MALRD1: variants seen among roughly 807,000 people sequenced by gnomAD.
MALRD1 encodes the protein MAM and LDL-receptor class A domain-containing protein 1.
MALRD1 carries 247 observed loss-of-function variants against 242.1 expected under a neutral mutation model. The ratio of observed to expected loss-of-function variants is 1.02; its 90% CI spans 0.92 to 1.13. The LOEUF (loss-of-function observed/expected upper bound fraction) is 1.13. MALRD1 is among the 50% of genes most tolerant of loss of function. The pLI is 0.00. For missense variants in MALRD1, 2,989 were observed against 2,533.1 expected, an observed-to-expected ratio of 1.18 and a Z score of -3.86; for synonymous variants, 995 against 866.6, an observed-to-expected ratio of 1.15 and a Z score of -2.60.
chr10:19,584,712 G>A (rs1189634406), intron 33 of MALRD1, among the ~76,000 whole-genome samples: 4 of 152,006 alleles, frequency 2.6e-5, no homozygotes, highest in Non-Finnish European at 5.9e-5. Context: ...TTGATTTGGG[G>A]TGGAGAGTTC....
chr10:19,720,571 T>C (rs1216670433), intron 38 of MALRD1, among the ~76,000 whole-genome samples: 1 of 152,210 alleles, frequency 6.6e-6, no homozygotes, highest in Non-Finnish European at 1.5e-5. Context: ...CTCTAATAAA[T>C]ATACATACTC....
chr10:19,138,193 G>T (rs1177720613), intron 10 of MALRD1, among the ~76,000 whole-genome samples: 1 of 152,082 alleles, frequency 6.6e-6, no homozygotes, highest in Non-Finnish European at 1.5e-5. Context: ...GCTAACCAGT[G>T]TGAGCTCAAC....
chr10:19,386,634 A>G (rs529974221), intron 26 of MALRD1, among the ~76,000 whole-genome samples: 60 of 152,204 alleles, frequency 3.9e-4, no homozygotes, highest in African/African-American at 1.3e-3. Context: ...TATTTGACTA[A>G]TATTTACTAA....
chr10:19,059,627 A>G (rs1244031193), intron 1 of MALRD1, among the ~76,000 whole-genome samples: 1 of 151,854 alleles, frequency 6.6e-6, no homozygotes. Flanking sequence ...CCTGACCTCA[A>G]GTGATCCGCC....
chr10:19,096,801 C>T (rs1249665656), intron 4 of MALRD1, among the ~76,000 whole-genome samples: 1 of 152,156 alleles, frequency 6.6e-6, no homozygotes, highest in Admixed American at 6.5e-5. Context: ...TGCATCCTTC[C>T]TTTAAAAATG....
At chr10:19,453,876 GAA>G (rs11399924) in intron 29 of MALRD1, among the ~76,000 whole-genome samples, 1 of 144,472 alleles carries the variant, frequency 6.9e-6, no homozygotes. Flanking sequence ...GACTCCGTCT[GAA>G]AAAAAAAAAA....
At chr10:19,490,617 ACT>A (rs1367809124) in intron 29 of MALRD1, among the ~76,000 whole-genome samples, 1 of 151,946 alleles carries the variant, frequency 6.6e-6, no homozygotes. Flanking sequence ...AGGTAGCAGG[ACT>A]CTGCTCAGTG....
intron 38 of MALRD1, among the ~76,000 whole-genome samples, chr10:19,700,508 G>T (rs972774434): frequency 6.6e-6 from 1 of 152,072 alleles, no homozygotes; most frequent in African/African-American, 2.4e-5. Context: ...AAATATGAAA[G>T]AAATGAATAA....
intron 28 of MALRD1, among the ~76,000 whole-genome samples, chr10:19,408,074 A>T (rs1188184099): frequency 2.0e-5 from 3 of 152,128 alleles, no homozygotes; most frequent in Non-Finnish European, 4.4e-5. Flanking sequence ...CAGAGAGATG[A>T]TAGTCAAACC....
At chr10:19,593,641 C>T (rs1206297383) in intron 33 of MALRD1, among the ~76,000 whole-genome samples, 1 of 152,138 alleles carries the variant, frequency 6.6e-6, no homozygotes, top group South Asian at 2.1e-4. Context: ...CACTAATCAC[C>T]AATTAGTTCC....
intron 28 of MALRD1, among the ~76,000 whole-genome samples, chr10:19,439,316 A>T (rs1564340637): frequency 6.6e-6 from 1 of 152,120 alleles, no homozygotes; most frequent in African/African-American, 2.4e-5. Context: ...GGATAGCTTG[A>T]GCCCATTAGT....
intron 36 of MALRD1, among the ~76,000 whole-genome samples, chr10:19,642,954 A>T (rs1840461216): frequency 6.6e-6 from 1 of 152,206 alleles, no homozygotes; most frequent in Admixed American, 6.5e-5. Flanking sequence ...TCAGGTTCTC[A>T]TTGGACTTTA....
At position 19,558,910 on chromosome 10, in the gene MALRD1, G is replaced by A. The variant is rs567044662; in HGVS notation, c.5479-8592G>A. On this transcript the variant is annotated intron_variant, in intron 32 of 39. Transcript: ENST00000454679. ...TGTTAATAATATTTTTTGGCTGGGTGCGGTGGCTCACACCTGTAATCCCAG... is the reference window on the plus strand; with the variant it reads ...TGTTAATAATATTTTTTGGCTGGGTACGGTGGCTCACACCTGTAATCCCAG... Among the ~76,000 whole-genome samples the A allele has an allele frequency of 2.8e-4, 42 of 152,150 alleles. 1 individual carries two copies. The highest frequency in any genetic ancestry group is 1.0e-3 in the African/African-American group (42 of 41,510).
chr10:19,575,175 G>T (rs769909364), intron 33 of MALRD1, among the ~76,000 whole-genome samples: 5 of 152,170 alleles, frequency 3.3e-5, no homozygotes, highest in African/African-American at 7.2e-5. Context: ...ACCAAATGCA[G>T]ATGGCAAATG....
chr10:19,622,523 C>T (rs916228362), intron 36 of MALRD1, among the ~76,000 whole-genome samples: 2 of 151,534 alleles, frequency 1.3e-5, no homozygotes, highest in Admixed American at 1.3e-4. Context: ...GTTACTTCTC[C>T]CTAGATAATT....
chr10:19,635,325 T>C (rs189622231), intron 36 of MALRD1, among the ~76,000 whole-genome samples: 1 of 152,194 alleles, frequency 6.6e-6, no homozygotes, highest in Non-Finnish European at 1.5e-5. Context: ...AAATAATAAG[T>C]CAACTGAAAA....
At chr10:19,434,919 A>C (rs1834289430) in intron 28 of MALRD1, among the ~76,000 whole-genome samples, 1 of 151,790 alleles carries the variant, frequency 6.6e-6, no homozygotes, top group Admixed American at 6.6e-5. Flanking sequence ...AAATATGAAA[A>C]AAATTAACAA....
intron 28 of MALRD1, among the ~76,000 whole-genome samples, chr10:19,436,301 T>C (rs1265772190): frequency 6.6e-6 from 1 of 152,190 alleles, no homozygotes; most frequent in Non-Finnish European, 1.5e-5. Context: ...CACATATCTA[T>C]AAATATTTGT....
chr10:19,053,776 C>G (rs1032193320), intron 1 of MALRD1, among the ~76,000 whole-genome samples: 5 of 145,586 alleles, frequency 3.4e-5, no homozygotes, highest in Admixed American at 2.8e-4. Flanking sequence ...TATTGTCAGA[C>G]CATTGCCTGA....
Sources: gnomAD v4.1 joint callset for allele counts (sites outside exome capture counted in the v4.1 genomes callset) on GRCh38, gnomAD v4.1.1 for gene constraint, MANE v1.5 for transcripts, NCBI Gene and HGNC (gene_info 2026-07-23, HGNC 2026-07-21) for gene names.